KCNB2: variants seen among roughly 807,000 people sequenced by gnomAD.
The protein encoded by KCNB2 is potassium voltage-gated channel subfamily B member 2.
A neutral mutation model predicts 61.5 loss-of-function variants in KCNB2; 15 were observed. The observed-to-expected ratio is 0.24, with a 90% CI of 0.16 to 0.38. KCNB2 has a LOEUF of 0.38. Ranked by LOEUF, KCNB2 falls within the 10% of genes least tolerant of loss-of-function variation. KCNB2 has a pLI of 1.00. For missense variants in KCNB2, 828 were observed against 1,125.2 expected (o/e 0.74, Z 3.78); for synonymous variants, 457 against 446.0 (o/e 1.02, Z -0.31).
At chr8:72,709,727 G>A (rs1807294075) in intron 2 of KCNB2, among the ~76,000 whole-genome samples, 1 of 151,968 alleles carries the variant, frequency 6.6e-6, no homozygotes, top group South Asian at 2.1e-4. Context: ...TGCAGCCCTG[G>A]GGATTACATT....
intron 2 of KCNB2, among the ~76,000 whole-genome samples, chr8:72,742,989 CTA>C (rs1807989971): frequency 6.6e-6 from 1 of 152,174 alleles, no homozygotes; most frequent in South Asian, 2.1e-4. Context: ...ATGGTATGGG[CTA>C]TGTCTCACTC....
chr8:72,722,422 G>T (rs1314753274), intron 2 of KCNB2, among the ~76,000 whole-genome samples: 2 of 152,300 alleles, frequency 1.3e-5, no homozygotes, highest in African/African-American at 2.4e-5. Flanking sequence ...ACCAGCCATG[G>T]GGCCTTCCCT....
chr8:72,564,295 A>G (rs1806588837), intron 1 of KCNB2, among the ~76,000 whole-genome samples: 1 of 152,198 alleles, frequency 6.6e-6, no homozygotes, highest in Admixed American at 6.5e-5. Context: ...CCACAAACAA[A>G]TGAGATATTT....
At chr8:72,920,469 C>CTATATATATATATATATATA (rs1168802571) in intron 2 of KCNB2, among the ~76,000 whole-genome samples, 2 of 71,276 alleles carry the variant, frequency 2.8e-5, no homozygotes, top group African/African-American at 5.4e-5. Context: ...ATCTATCTAT[C>CTATATATATATATATATATA]TATCTATATA....
chr8:72,721,513 G>A (rs1329888571), intron 2 of KCNB2, among the ~76,000 whole-genome samples: 4 of 152,150 alleles, frequency 2.6e-5, no homozygotes, highest in Non-Finnish European at 5.9e-5. Context: ...TATTGACTGG[G>A]CTAATGTAAG....
At chr8:72,703,762 A>G (rs1807172335) in intron 2 of KCNB2, among the ~76,000 whole-genome samples, 1 of 152,336 alleles carries the variant, frequency 6.6e-6, no homozygotes, top group South Asian at 2.1e-4. Context: ...AAATAAAACC[A>G]TGGGAGTAGC....
chr8:72,559,930 A>G lies in KCNB2; in HGVS notation c.-93-7712A>G, dbSNP rs377462423. On this transcript the variant is annotated intron_variant, in intron 1 of 2. Coordinates refer to ENST00000523207, the MANE Select transcript of KCNB2 (RefSeq NM_004770.3). ...AGACAAGTCATGCGACCTCAGTTTTAAAAGATGTAAATAAAGAAATTGGAC... is the reference window on the plus strand; with the variant it reads ...AGACAAGTCATGCGACCTCAGTTTTGAAAGATGTAAATAAAGAAATTGGAC... Among the ~76,000 whole-genome samples the G allele has an allele frequency of 2.6e-5, 4 of 152,170 alleles. No homozygotes were observed. The East Asian group carries it at 5.8e-4, about 22-fold the overall frequency.
In KCNB2 at chr8:72,797,751, C is replaced by T. The variant is rs538369246; in HGVS notation, c.580-138184C>T. On this transcript the variant is annotated intron_variant, in intron 2 of 2. Transcript: ENST00000523207. ...GGCCTGAACTAGATTATGATTATGC[C>T]CACTGCTGTGAATACATGACAACTC... 2.3e-3 allele frequency among the ~76,000 whole-genome samples: 356 copies of T among 152,210 alleles called. 1 individual carries two copies. The highest frequency in any genetic ancestry group is 8.3e-3 in the African/African-American group (344 of 41,528).
At chr8:72,574,214 C>T (rs1806762182) in intron 2 of KCNB2, among the ~76,000 whole-genome samples, 1 of 152,224 alleles carries the variant, frequency 6.6e-6, no homozygotes, top group African/African-American at 2.4e-5. Context: ...GATCCTATTT[C>T]TAGATCCATG....
intron 2 of KCNB2, among the ~76,000 whole-genome samples, chr8:72,717,884 G>C (rs1214723503): frequency 6.6e-6 from 1 of 152,094 alleles, no homozygotes; most frequent in Non-Finnish European, 1.5e-5. Flanking sequence ...GCAACCTACA[G>C]AATGGGAGAA....
At chr8:72,755,005 T>G (rs1051415452) in intron 2 of KCNB2, among the ~76,000 whole-genome samples, 1 of 152,030 alleles carries the variant, frequency 6.6e-6, no homozygotes, top group African/African-American at 2.4e-5. Flanking sequence ...ACATCAACAG[T>G]TGGTAGAAGA....
At chr8:72,561,747 G>GTATA (rs1320328900) in intron 1 of KCNB2, among the ~76,000 whole-genome samples, 4 of 16,060 alleles carry the variant, frequency 2.5e-4, no homozygotes, top group African/African-American at 1.1e-3. Context: ...ATATATATAT[G>GTATA]TATATATATA....
chr8:72,900,728 A>G (rs1806075001), intron 2 of KCNB2, among the ~76,000 whole-genome samples: 1 of 152,226 alleles, frequency 6.6e-6, no homozygotes, highest in South Asian at 2.1e-4. Context: ...ACAAGTGTCC[A>G]ACAAACATGA....
At chr8:72,848,480 G>A (rs1490132096) in intron 2 of KCNB2, among the ~76,000 whole-genome samples, 3 of 151,842 alleles carry the variant, frequency 2.0e-5, no homozygotes, top group East Asian at 1.9e-4. Context: ...TAAATAAATC[G>A]AGATAAACAT....
At chr8:72,599,047 C>T (rs538069729) in intron 2 of KCNB2, among the ~76,000 whole-genome samples, 5 of 152,230 alleles carry the variant, frequency 3.3e-5, no homozygotes, top group East Asian at 3.9e-4. Flanking sequence ...GATTCAATGC[C>T]GTCCCCATCA....
chr8:72,697,662 G>GA (rs1363058312), intron 2 of KCNB2, among the ~76,000 whole-genome samples: 3 of 151,578 alleles, frequency 2.0e-5, no homozygotes, highest in Non-Finnish European at 4.4e-5. Context: ...AAAGAAAACA[G>GA]AAAAAAAGAA....
At chr8:72,618,029 A>G (rs1805649242) in intron 2 of KCNB2, among the ~76,000 whole-genome samples, 2 of 152,190 alleles carry the variant, frequency 1.3e-5, no homozygotes, top group South Asian at 4.1e-4. Context: ...GGTGCTGCAC[A>G]GCCTCCCACT....
rs537480201 is a variant in KCNB2, at chr8:72,646,605, C to T, written c.579+78292C>T. On this transcript the variant is annotated intron_variant, in intron 2 of 2. Coordinates refer to ENST00000523207, the MANE Select transcript of KCNB2 (RefSeq NM_004770.3). ...GATGAACCTCGAGGACATTGTGTTGCGTGAAATAGGTCAGACACAAAAGGG... is the reference window on the plus strand; with the variant it reads ...GATGAACCTCGAGGACATTGTGTTGTGTGAAATAGGTCAGACACAAAAGGG... 2.8e-4 allele frequency among the ~76,000 whole-genome samples: 43 copies of T among 152,192 alleles called. 1 individual carries two copies. The South Asian group carries it at 7.3e-3, about 26-fold the overall frequency.
rs563494199 is a variant in KCNB2 at position 72,667,070 on chromosome 8, CTG to C, written c.579+98758_579+98759del. 4.6e-3 allele frequency among the ~76,000 whole-genome samples: 691 copies of C among 151,790 alleles called. 5 individuals carry two copies. The highest frequency in any genetic ancestry group is 6.5e-3 in the Non-Finnish European group (442 of 67,934). ...AGAGAGATAGAGAGAAAGAGAGAAA[CTG>C]AGATACTTCGGGCAAGTTATGTAAA... On this transcript the variant is annotated intron_variant, in intron 2 of 2. Transcript: ENST00000523207.
Sources: allele counts gnomAD v4.1 joint callset (sites outside exome capture counted in the v4.1 genomes callset), GRCh38; gene constraint gnomAD v4.1.1; transcripts MANE v1.5; gene names NCBI Gene and HGNC (gene_info 2026-07-23, HGNC 2026-07-21).